The following BCL2L12 variants were observed in gnomAD, a reference collection of about 807,000 sequenced individuals.
The protein encoded by BCL2L12 is BCL2 like 12, also known as bcl-2-like protein 12.
A neutral mutation model predicts 25.7 loss-of-function variants in BCL2L12; 27 were observed. That is an observed-to-expected ratio of 1.05 (90% CI 0.78 to 1.45). The LOEUF (loss-of-function observed/expected upper bound fraction) is 1.45, where lower values mean the gene tolerates loss of function less well. Among genes scored for constraint, BCL2L12 ranks in the 40% most tolerant of loss-of-function variants. The probability of loss-of-function intolerance (pLI) is 0.00; values close to 1 mark genes in which losing one functional copy is unlikely to be tolerated. For synonymous variants in BCL2L12, 132 were observed against 145.6 expected (o/e 0.91, Z 0.67); for missense variants, 302 against 329.8 (o/e 0.92, Z 0.65).
intron 1 of BCL2L12, among the ~76,000 whole-genome samples, chr19:49,666,313 G>A (rs2081757126): frequency 6.6e-6 from 1 of 152,226 alleles, no homozygotes; most frequent in African/African-American, 2.4e-5. Flanking sequence ...AGGGTTTCAG[G>A]AGTTTGGCAT....
chr19:49,665,930 C>A, upstream of BCL2L12: 1 of 1,613,804 alleles, frequency 6.2e-7, no homozygotes, highest in South Asian at 1.1e-5. Flanking sequence ...CCCAGCGTTC[C>A]GCCCTTTCTA....
At chr19:49,673,086 G>A (rs561751794) in intron 6 of BCL2L12, among the ~76,000 whole-genome samples, 56 of 152,242 alleles carry the variant, frequency 3.7e-4, no homozygotes, top group African/African-American at 1.2e-3. Context: ...GGCTGGTCTC[G>A]AACTCTTGGC....
chr19:49,672,516 C>G lies in BCL2L12; in HGVS notation c.703-1182C>G, dbSNP rs559187921. ...TTAGGCGCTAATGGGCGCCCTCTGGCGGCTGCCTGGGGACAGACTGCTGGG... is the reference window on the plus strand; with the variant it reads ...TTAGGCGCTAATGGGCGCCCTCTGGGGGCTGCCTGGGGACAGACTGCTGGG... On this transcript the variant is annotated intron_variant, in intron 6 of 6. Transcript: ENST00000246784. The surrounding 1 kb of genome is among the most constrained non-coding windows in gnomAD (Gnocchi z 4.1). Among the ~76,000 whole-genome samples, 2 of 152,236 alleles carry G rather than the reference C, an allele frequency of 1.3e-5. No homozygotes were observed. The highest frequency in any genetic ancestry group is 4.1e-4 in the South Asian group (2 of 4,820).
rs781030850 is a variant in BCL2L12, at chr19:49,668,821, G to A, written c.251-30G>A. ...GAATCCGTAAGTTTCCAATGTCCTG[G>A]AAACCTGTCATTAACTCTTTTCACC... is the stretch of plus-strand genomic sequence containing the variant. On this transcript the variant is annotated intron_variant, in intron 3 of 6. Transcript: ENST00000246784. 12 of 1,595,334 alleles carry A rather than the reference G, an allele frequency of 7.5e-6. No homozygotes were observed. The Admixed American group carries it at 2.0e-4, about 27-fold the overall frequency.
intron 6 of BCL2L12, among the ~76,000 whole-genome samples, chr19:49,671,768 A>C (rs1251884617): frequency 6.6e-6 from 1 of 152,150 alleles, no homozygotes; most frequent in East Asian, 1.9e-4. Flanking sequence ...TTATATGGCT[A>C]CCTGCTGCCT....
At position 49,666,853 on chromosome 19, in the gene BCL2L12, ACT is replaced by A. The variant is rs1222380315; in HGVS notation, c.107+57_107+58del. On this transcript the variant is annotated intron_variant, in intron 2 of 6. Coordinates refer to ENST00000246784, the MANE Select transcript of BCL2L12 (RefSeq NM_138639.2). The stretch of plus-strand genomic sequence containing the variant: ...GGCCAGCATTTGAGGCTCCCTCCTA[ACT>A]CTTGCTCCTGGTCTCAGTCTGTCTC... 65 of 1,526,826 alleles carry A rather than the reference ACT, an allele frequency of 4.3e-5. No homozygotes were observed. In the African/African-American group the frequency reaches 8.6e-4, roughly 20 times the overall value. 94.6% of individuals were successfully genotyped at this position (1,526,826 alleles called of 1,614,324 possible). A position where few individuals can be genotyped will look rare whatever the true frequency, so the allele number is the denominator to read the frequency against.
In BCL2L12 at chr19:49,666,743, A is replaced by G; in HGVS notation, c.51A>G (p.Leu17=). ...TCCGGGAAGACACGCTGAGGGTCCT[A>G]GCTGCCTTCCTTAGGCGTGGTGAGG... ...LGLREDTLRV[L]AAFLRRGEAA... is the part of the protein sequence containing the mutation. Residue 17 remains leucine (L), a synonymous_variant, in exon 2 of 7, where the codon CTA becomes CTG. Transcript: ENST00000246784. The G allele has an allele frequency of 6.4e-7, 1 of 1,559,866 alleles. No homozygotes were observed. The highest frequency in any genetic ancestry group is 8.7e-7 in the Non-Finnish European group (1 of 1,151,190).
rs896093848 is a variant in BCL2L12 at position 49,672,860 on chromosome 19, GTTTAT to G, written c.703-823_703-819del. ...AGTGTTGGGCTCAGCAAAGAAGCTC[GTTTAT>G]TTTATTTTATTTTAATTTTTCAGAT... On this transcript the variant is annotated intron_variant, in intron 6 of 6. Transcript: ENST00000246784. This position sits in a 1 kb window ranked among gnomAD's most constrained non-coding sequence, Gnocchi z 4.1. 2.6e-5 allele frequency among the ~76,000 whole-genome samples: 4 copies of G among 152,030 alleles called. No individual in the cohort carries two copies. Among genetic ancestry groups the G allele is most frequent in the African/African-American group, 9.7e-5 (4 of 41,384 alleles).
Position 49,672,492 on chromosome 19 carries a change from T to C in BCL2L12, c.703-1206T>C, listed in dbSNP as rs1203162680. The stretch of plus-strand genomic sequence containing the variant: ...AGCAGCGGAGGGACAGGCGCTGATT[T>C]AGGCGCTAATGGGCGCCCTCTGGCG... On this transcript the variant is annotated intron_variant, in intron 6 of 6. Coordinates refer to ENST00000246784, the MANE Select transcript of BCL2L12 (RefSeq NM_138639.2). The surrounding 1 kb of genome is among the most constrained non-coding windows in gnomAD (Gnocchi z 4.1). Among the ~76,000 whole-genome samples the C allele has an allele frequency of 2.0e-5, 3 of 152,130 alleles. No homozygotes were observed. The highest frequency in any genetic ancestry group is 4.4e-5 in the Non-Finnish European group (3 of 68,008).
chr19:49,666,542 TC>T lies in BCL2L12; in HGVS notation c.-8-142del, dbSNP rs1427508015. On this transcript the variant is annotated intron_variant, in intron 1 of 6. Transcript: ENST00000246784. ...GCTTTTTCGTCTGAGGACTCAAGAG[TC>T]TAGGCCCCCAGACCCACACTCTCCA... is the stretch of plus-strand genomic sequence containing the variant. 1.3e-5 allele frequency: 8 copies of T among 594,052 alleles called. No homozygotes were observed. The East Asian group carries it at 2.1e-4, about 15-fold the overall frequency. The allele number at this position is 594,052 out of a possible 1,614,324, so 36.8% of individuals were successfully genotyped here. A position where few individuals can be genotyped will look rare whatever the true frequency, so the allele number is the denominator to read the frequency against.
At chr19:49,671,472 A>T (rs994032004) in intron 6 of BCL2L12, among the ~76,000 whole-genome samples, 4 of 152,186 alleles carry the variant, frequency 2.6e-5, no homozygotes, top group African/African-American at 9.7e-5. Flanking sequence ...AAAAATTTTT[A>T]AAATTAATAA....
chr19:49,670,146 GCCTCCCGGC>G lies in BCL2L12; in HGVS notation c.430-65_430-57del. 1.9e-6 allele frequency: 3 copies of G among 1,545,848 alleles called. No individual in the cohort carries two copies. In the South Asian group the frequency reaches 3.5e-5, roughly 18 times the overall value. ...GAACGATCCTGAACCGGGAAGCCAC[GCCTCCCGGC>G]CCTCTATTGGCTGGCCCCGGGGGCG... On this transcript the variant is annotated intron_variant, in intron 5 of 6. Transcript: ENST00000246784.
chr19:49,666,068 G>C lies in BCL2L12; in HGVS notation c.-9+1G>C. ...AGGCGGCGGTGGGGCCCCGGACCAG[G>C]TCAGCGGGGTGTTGACGAGGGGTGG... On this transcript the variant is annotated splice_donor_variant, in intron 1 of 6. Coordinates refer to ENST00000246784, the MANE Select transcript of BCL2L12 (RefSeq NM_138639.2). LOFTEE classifies it low-confidence loss of function (5UTR_SPLICE). The C allele has an allele frequency of 6.5e-7, 1 of 1,544,614 alleles. No individual in the cohort carries two copies. Among genetic ancestry groups the C allele is most frequent in the South Asian group, 1.2e-5 (1 of 84,762 alleles).
chr19:49,673,717 C>T lies in BCL2L12; in HGVS notation c.722C>T (p.Ser241Leu). 1 of 1,614,182 alleles carries T rather than the reference C, an allele frequency of 6.2e-7. No homozygotes were observed. The highest frequency in any genetic ancestry group is 8.5e-7 in the Non-Finnish European group (1 of 1,180,022). The change falls in exon 7 of 7, where the codon TCA (serine) becomes TTA (leucine). Residue 241 changes from serine to leucine, a missense_variant. By Grantham distance (145) the Ser-to-Leu change is moderately radical (BLOSUM62 -2). Coordinates refer to ENST00000246784, the MANE Select transcript of BCL2L12 (RefSeq NM_138639.2). ...TTCCAGGAGGGCATCCTGGCTGTTT[C>T]ACCCGTGGACTTGAACTTGCCATTG... Reference protein sequence around the residue: ...HGGWEGILAVSPVDLNLPLD With the variant: ...HGGWEGILAVLPVDLNLPLD
At position 49,667,015 on chromosome 19, in the gene BCL2L12, C is replaced by G; in HGVS notation, c.108-4C>G. On this transcript the variant is annotated splice_region_variant and splice_polypyrimidine_tract_variant and intron_variant, in intron 2 of 6. Transcript: ENST00000246784. ...GGGTCAGTCTCTGAAGTCCTCCTCTCCAGAAGCCCTGCCCAAGAAGAGCCA... is the reference window on the plus strand; with the variant it reads ...GGGTCAGTCTCTGAAGTCCTCCTCTGCAGAAGCCCTGCCCAAGAAGAGCCA... 2 of 1,613,294 alleles carry G rather than the reference C, an allele frequency of 1.2e-6. No homozygotes were observed. Among genetic ancestry groups the G allele is most frequent in the Non-Finnish European group, 1.7e-6 (2 of 1,179,712 alleles).
At chr19:49,668,119 G>C (rs533587520) in intron 3 of BCL2L12, among the ~76,000 whole-genome samples, 6 of 143,906 alleles carry the variant, frequency 4.2e-5, no homozygotes, top group Non-Finnish European at 9.1e-5. Context: ...TTTTGAGACG[G>C]AGTTTCGCCC....
upstream of BCL2L12, chr19:49,665,526 C>T (rs898875582): frequency 2.2e-5 from 7 of 320,828 alleles, no homozygotes; most frequent in Non-Finnish European, 4.1e-5. Context: ...CTCCACTTTC[C>T]CCAGAGTACA....
At position 49,672,824 on chromosome 19, in the gene BCL2L12, G is replaced by C. The variant is rs1406064496; in HGVS notation, c.703-874G>C. The stretch of plus-strand genomic sequence containing the variant: ...CAGAACTCATAGCACATGTTGAGGG[G>C]AATGGATATAAGTGTTGGGCTCAGC... On this transcript the variant is annotated intron_variant, in intron 6 of 6. Transcript: ENST00000246784. The surrounding 1 kb of genome is among the most constrained non-coding windows in gnomAD (Gnocchi z 4.1). Among the ~76,000 whole-genome samples, 3 of 152,142 alleles carry C rather than the reference G, an allele frequency of 2.0e-5. No homozygotes were observed. Among genetic ancestry groups the C allele is most frequent in the Non-Finnish European group, 2.9e-5 (2 of 68,022 alleles).
chr19:49,669,784 A>G, intron 5 of BCL2L12, among the ~76,000 whole-genome samples: 1 of 152,074 alleles, frequency 6.6e-6, no homozygotes, highest in East Asian at 1.9e-4. Context: ...GTAGGGGAAA[A>G]TGTACTACCA....
Sources: gnomAD v4.1 joint callset for allele counts (sites outside exome capture counted in the v4.1 genomes callset) on GRCh38, gnomAD v4.1.1 for gene constraint, Gnocchi (gnomAD v3.1) non-coding constraint, MANE v1.5 for transcripts, NCBI Gene and HGNC (gene_info 2026-07-23, HGNC 2026-07-21) for gene names.